The following CAMKMT variants were observed in gnomAD, a reference collection of about 807,000 sequenced individuals.
CAMKMT encodes the protein CaM KMT.
CAMKMT carries 53 observed loss-of-function variants against 48.0 expected under a neutral mutation model. The observed-to-expected ratio is 1.10, with a 90% CI of 0.89 to 1.39. The LOEUF (loss-of-function observed/expected upper bound fraction) is 1.39, where lower values mean the gene tolerates loss of function less well. Ranked by LOEUF, CAMKMT falls within the 40% of genes most tolerant of loss-of-function variation. CAMKMT has a pLI of 0.00. For missense variants in CAMKMT, 428 were observed against 402.7 expected (o/e 1.06, Z -0.54); for synonymous variants, 165 against 152.3 (o/e 1.08, Z -0.61).
intron 3 of CAMKMT, among the ~76,000 whole-genome samples, chr2:44,560,368 A>T (rs542480490): frequency 6.6e-6 from 1 of 152,360 alleles, no homozygotes; most frequent in African/African-American, 2.4e-5. Flanking sequence ...TCCTGGGCTC[A>T]AGCGATCCTC....
intron 3 of CAMKMT, among the ~76,000 whole-genome samples, chr2:44,571,586 G>A (rs1478154069): frequency 2.6e-5 from 4 of 152,132 alleles, no homozygotes; most frequent in Non-Finnish European, 2.9e-5. Flanking sequence ...ATCCACATAT[G>A]TAGTGGGTTT....
intron 3 of CAMKMT, among the ~76,000 whole-genome samples, chr2:44,513,547 GA>G (rs1670674584): frequency 1.3e-5 from 2 of 152,118 alleles, no homozygotes; most frequent in South Asian, 4.1e-4. Flanking sequence ...TTTGGACTGT[GA>G]AACTTAAGAA....
At chr2:44,511,074 C>G (rs369556996) in intron 3 of CAMKMT, among the ~76,000 whole-genome samples, 24 of 152,304 alleles carry the variant, frequency 1.6e-4, no homozygotes, top group African/African-American at 5.8e-4. Context: ...CTCCTCACCT[C>G]AAGTGATCTG....
intron 3 of CAMKMT, among the ~76,000 whole-genome samples, chr2:44,629,549 C>T (rs1295357020): frequency 6.6e-6 from 1 of 151,674 alleles, no homozygotes; most frequent in Non-Finnish European, 1.5e-5. Flanking sequence ...AGCAATCCTC[C>T]CACCTTGACC....
chr2:44,376,596 A>G (rs945683170), intron 2 of CAMKMT, among the ~76,000 whole-genome samples: 3 of 152,150 alleles, frequency 2.0e-5, no homozygotes, highest in African/African-American at 7.2e-5. Flanking sequence ...AGTTTTGTCT[A>G]TCTTAAACTT....
intron 4 of CAMKMT, 101 bp from the exon 5 acceptor site, chr2:44,706,186 G>T: frequency 8.5e-7 from 1 of 1,170,370 alleles, no homozygotes; most frequent in Non-Finnish European, 1.3e-6. Context: ...TGGTAGCGCC[G>T]TTCTTACTGC....
intron 3 of CAMKMT, among the ~76,000 whole-genome samples, chr2:44,454,703 C>T (rs1451002420): frequency 6.6e-6 from 1 of 152,026 alleles, no homozygotes; most frequent in East Asian, 1.9e-4. Context: ...ATAATGGCCC[C>T]AAACCTAATA....
intron 3 of CAMKMT, among the ~76,000 whole-genome samples, chr2:44,526,940 T>C (rs1666147359): frequency 6.6e-6 from 1 of 152,054 alleles, no homozygotes; most frequent in South Asian, 2.1e-4. Flanking sequence ...TAGTGGTTTT[T>C]AGTATGTTCC....
intron 9 of CAMKMT, among the ~76,000 whole-genome samples, chr2:44,760,805 G>T (rs1344252089): frequency 7.9e-5 from 12 of 152,076 alleles, no homozygotes; most frequent in Admixed American, 5.9e-4. Flanking sequence ...AAGCAATGAA[G>T]CTCCTCAGAG....
chr2:44,448,409 G>C (rs1221137520), intron 3 of CAMKMT, among the ~76,000 whole-genome samples: 1 of 152,170 alleles, frequency 6.6e-6, no homozygotes, highest in Admixed American at 6.5e-5. Flanking sequence ...CTTCAATTCT[G>C]TACTACAATA....
chr2:44,537,483 AC>A (rs1666839974), intron 3 of CAMKMT, among the ~76,000 whole-genome samples: 1 of 152,210 alleles, frequency 6.6e-6, no homozygotes, highest in Non-Finnish European at 1.5e-5. Flanking sequence ...GTTGTATCTT[AC>A]GTCAGTTAGA....
chr2:44,483,191 A>C (rs1669059511), intron 3 of CAMKMT, among the ~76,000 whole-genome samples: 1 of 152,186 alleles, frequency 6.6e-6, no homozygotes. Context: ...ACCCTCAGTC[A>C]GTGTGGGGAG....
chr2:44,549,957 A>C (rs1667617880), intron 3 of CAMKMT, among the ~76,000 whole-genome samples: 1 of 152,190 alleles, frequency 6.6e-6, no homozygotes, highest in Non-Finnish European at 1.5e-5. Flanking sequence ...ATTCATTCTG[A>C]CCTGCCTGAA....
In CAMKMT at chr2:44,564,065, T is replaced by C. The variant is rs547630486; in HGVS notation, c.377-140218T>C. 2.0e-5 allele frequency among the ~76,000 whole-genome samples: 3 copies of C among 152,290 alleles called. No homozygotes were observed. In the East Asian group the frequency reaches 5.8e-4, roughly 29 times the overall value. The stretch of plus-strand genomic sequence containing the variant: ...GGAATCGCCAAACTGTCTTCCACAA[T>C]GATTGAACTAGTTTACAGTCCCACC... On this transcript the variant is annotated intron_variant, in intron 3 of 10. Coordinates refer to ENST00000378494, the MANE Select transcript of CAMKMT (RefSeq NM_024766.5).
intron 3 of CAMKMT, among the ~76,000 whole-genome samples, chr2:44,631,213 C>T (rs1484603791): frequency 6.6e-6 from 1 of 151,820 alleles, no homozygotes; most frequent in East Asian, 1.9e-4. Flanking sequence ...CACATGGACA[C>T]AGGAAGGGGA....
chr2:44,455,870 T>G (rs1667535934), intron 3 of CAMKMT, among the ~76,000 whole-genome samples: 1 of 152,194 alleles, frequency 6.6e-6, no homozygotes, highest in Non-Finnish European at 1.5e-5. Flanking sequence ...AAAACGTTGG[T>G]CCTTAATTAA....
chr2:44,365,717 C>T (rs1477622726), intron 1 of CAMKMT, among the ~76,000 whole-genome samples: 1 of 152,184 alleles, frequency 6.6e-6, no homozygotes, highest in Non-Finnish European at 1.5e-5. Flanking sequence ...GTAACAACCT[C>T]ACTAGAATTA....
intron 3 of CAMKMT, among the ~76,000 whole-genome samples, chr2:44,516,651 G>A (rs1572695487): frequency 6.6e-6 from 1 of 150,894 alleles, no homozygotes; most frequent in Admixed American, 6.6e-5. Flanking sequence ...TTCAATAAAA[G>A]TATTATATAT....
chr2:44,665,808 G>T (rs750824471), intron 3 of CAMKMT, among the ~76,000 whole-genome samples: 1 of 152,144 alleles, frequency 6.6e-6, no homozygotes, highest in Non-Finnish European at 1.5e-5. Context: ...ATTCGATTTG[G>T]GGTCCATACA....
Sources: gnomAD v4.1 joint callset for allele counts (sites outside exome capture counted in the v4.1 genomes callset) on GRCh38, gnomAD v4.1.1 for gene constraint, MANE v1.5 for transcripts, NCBI Gene and HGNC (gene_info 2026-07-23, HGNC 2026-07-21) for gene names.